FTO: variants seen among roughly 807,000 people sequenced by gnomAD.
FTO encodes alpha-ketoglutarate-dependent dioxygenase FTO.
Under a neutral mutation model 63.9 loss-of-function variants are expected in FTO, and 47 were observed. The observed-to-expected ratio is 0.74, with a 90% confidence interval of 0.58 to 0.94. FTO has a LOEUF of 0.94. Among genes scored for constraint, FTO ranks in the 40% least tolerant of loss-of-function variants. FTO has a pLI of 0.00. For missense variants in FTO, 562 were observed against 618.1 expected, an observed-to-expected ratio of 0.91 and a Z score of 0.96; for synonymous variants, 207 against 224.4, an observed-to-expected ratio of 0.92 and a Z score of 0.69.
chr16:53,996,802 C>T (rs1363550890), intron 8 of FTO, among the ~76,000 whole-genome samples: 1 of 152,012 alleles, frequency 6.6e-6, no homozygotes, highest in Non-Finnish European at 1.5e-5. Flanking sequence ...GGGGGAAAAG[C>T]CCCTTATAAA....
At chr16:53,910,089 T>C (rs1293872082) in intron 7 of FTO, among the ~76,000 whole-genome samples, 1 of 152,156 alleles carries the variant, frequency 6.6e-6, no homozygotes, top group Non-Finnish European at 1.5e-5. Flanking sequence ...GGTCTCACTT[T>C]GTTCCCCAGG....
At chr16:53,752,194 G>A (rs1274594269) in intron 1 of FTO, among the ~76,000 whole-genome samples, 1 of 152,138 alleles carries the variant, frequency 6.6e-6, no homozygotes, top group Non-Finnish European at 1.5e-5. Flanking sequence ...AAAAGAACAA[G>A]GTGTAGAATA....
intron 1 of FTO, among the ~76,000 whole-genome samples, chr16:53,761,606 A>G (rs2077071886): frequency 6.6e-6 from 1 of 152,254 alleles, no homozygotes; most frequent in South Asian, 2.1e-4. Flanking sequence ...CCTCCTTCTT[A>G]AAGTCTCCTT....
rs1368285641 is a variant in FTO, at chr16:54,030,284, C to G, written c.1365-81478C>G. Among the ~76,000 whole-genome samples the G allele has an allele frequency of 3.3e-5, 5 of 152,188 alleles. No individual in the cohort carries two copies. In the East Asian group the frequency reaches 9.6e-4, roughly 29 times the overall value. ...AAGGATTTGCCTGAAACGTTAAGAACAGATAGGATTCAACATTTTTTTCTT... is the reference window on the plus strand; with the variant it reads ...AAGGATTTGCCTGAAACGTTAAGAAGAGATAGGATTCAACATTTTTTTCTT... On this transcript the variant is annotated intron_variant, in intron 8 of 8. Coordinates refer to ENST00000471389, the MANE Select transcript of FTO (RefSeq NM_001080432.3).
chr16:53,739,279 C>A (rs2076470090), intron 1 of FTO, among the ~76,000 whole-genome samples: 1 of 152,082 alleles, frequency 6.6e-6, no homozygotes, highest in Non-Finnish European at 1.5e-5. Flanking sequence ...GATGTCGGCT[C>A]ACTGCAAGCT....
intron 8 of FTO, among the ~76,000 whole-genome samples, chr16:53,975,495 C>T (rs2083415720): frequency 6.6e-6 from 1 of 151,940 alleles, no homozygotes; most frequent in African/African-American, 2.4e-5. Flanking sequence ...ATTTTGAAAG[C>T]ATATCTCACA....
intron 1 of FTO, among the ~76,000 whole-genome samples, chr16:53,710,924 C>T (rs1408511528): frequency 6.6e-6 from 1 of 151,680 alleles, no homozygotes. Flanking sequence ...ATGCAGACTC[C>T]TGAGATTGAA....
chr16:54,035,184 C>A (rs1243019627), intron 8 of FTO, among the ~76,000 whole-genome samples: 2 of 152,228 alleles, frequency 1.3e-5, no homozygotes, highest in African/African-American at 4.8e-5. Context: ...AAAGCAAAAT[C>A]TACTTTTAGT....
intron 7 of FTO, among the ~76,000 whole-genome samples, chr16:53,896,934 G>A (rs951078800): frequency 3.3e-5 from 5 of 152,136 alleles, no homozygotes; most frequent in African/African-American, 1.2e-4. Flanking sequence ...ATGTCTCTAT[G>A]GAGAAATGTA....
chr16:53,870,881 A>G (rs1388157538), intron 4 of FTO, among the ~76,000 whole-genome samples: 1 of 152,072 alleles, frequency 6.6e-6, no homozygotes, highest in Non-Finnish European at 1.5e-5. Flanking sequence ...AAATTGTTTC[A>G]TTTTCTTTCT....
intron 8 of FTO, among the ~76,000 whole-genome samples, chr16:54,000,309 A>T (rs2084037764): frequency 1.3e-5 from 2 of 152,228 alleles, no homozygotes; most frequent in African/African-American, 2.4e-5. Flanking sequence ...AGTCATACTC[A>T]CATTTCAAAG....
intron 4 of FTO, among the ~76,000 whole-genome samples, chr16:53,852,882 A>G (rs1301007824): frequency 2.0e-5 from 3 of 152,080 alleles, no homozygotes; most frequent in Non-Finnish European, 4.4e-5. Flanking sequence ...ATATCACTAG[A>G]TGTTTCGTCA....
intron 8 of FTO, among the ~76,000 whole-genome samples, chr16:53,987,308 C>T (rs1248314497): frequency 3.9e-5 from 6 of 151,994 alleles, no homozygotes; most frequent in African/African-American, 9.7e-5. Context: ...CAGCCAGGCG[C>T]GGTGGCTCAC....
At chr16:53,975,220 T>G (rs79388765) in intron 8 of FTO, among the ~76,000 whole-genome samples, 1 of 151,736 alleles carries the variant, frequency 6.6e-6, no homozygotes, top group Non-Finnish European at 1.5e-5. Flanking sequence ...TTTTTTTTTT[T>G]GGTGTTGCAG....
intron 2 of FTO, among the ~76,000 whole-genome samples, chr16:53,815,255 C>T (rs924810733): frequency 1.3e-5 from 2 of 152,160 alleles, no homozygotes; most frequent in Non-Finnish European, 2.9e-5. Context: ...CTACAAGGCT[C>T]TTCCCATTCA....
At chr16:53,935,485 C>T (rs1039861862) in intron 8 of FTO, 2 of 152,144 alleles carry the variant, frequency 1.3e-5, no homozygotes, top group Admixed American at 1.3e-4. Flanking sequence ...TTTAAAAATT[C>T]CCAATGATAT....
chr16:53,706,626 TG>T (rs1260381391), intron 1 of FTO, among the ~76,000 whole-genome samples: 1 of 152,232 alleles, frequency 6.6e-6, no homozygotes, highest in Non-Finnish European at 1.5e-5. Flanking sequence ...CTGGAACTCC[TG>T]GGCTGAAGCC....
At chr16:53,794,762 A>G (rs2078017297) in intron 1 of FTO, among the ~76,000 whole-genome samples, 1 of 152,208 alleles carries the variant, frequency 6.6e-6, no homozygotes, top group African/African-American at 2.4e-5. Context: ...CCTGGACAGT[A>G]GCACAGGGAT....
intron 8 of FTO, among the ~76,000 whole-genome samples, chr16:54,086,202 T>G (rs1211919075): frequency 6.6e-6 from 1 of 152,196 alleles, no homozygotes; most frequent in African/African-American, 2.4e-5. Context: ...ATTTCACACC[T>G]GACTGAAGCT....
Sources: allele counts gnomAD v4.1 joint callset (sites outside exome capture counted in the v4.1 genomes callset), GRCh38; gene constraint gnomAD v4.1.1; transcripts MANE v1.5; gene names NCBI Gene and HGNC (gene_info 2026-07-23, HGNC 2026-07-21).